The following MORC1 variants were observed in gnomAD, a reference collection of about 807,000 sequenced individuals.
The protein encoded by MORC1 is MORC family CW-type zinc finger 1, also known as MORC family CW-type zinc finger protein 1.
In MORC1, 59 loss-of-function variants were observed where a neutral mutation model predicts 134.9. The observed-to-expected ratio is 0.44, with a 90% CI of 0.35 to 0.54. The LOEUF is 0.54. Among genes scored for constraint, MORC1 ranks in the 20% least tolerant of loss-of-function variants. The pLI is 0.00. For missense variants in MORC1, 947 were observed against 1,134.5 expected (o/e 0.83, Z 2.37); for synonymous variants, 395 against 391.7 (o/e 1.01, Z -0.10).
chr3:108,970,480 C>T (rs1442068735), intron 25 of MORC1, among the ~76,000 whole-genome samples: 1 of 152,058 alleles, frequency 6.6e-6, no homozygotes, highest in Non-Finnish European at 1.5e-5. Context: ...TCAGAAGCCC[C>T]ACGGGAGAGG....
intron 17 of MORC1, among the ~76,000 whole-genome samples, chr3:109,013,564 A>T (rs925325953): frequency 6.6e-6 from 1 of 152,038 alleles, no homozygotes; most frequent in Non-Finnish European, 1.5e-5. Context: ...CCATCTCTAG[A>T]TGTGTCCTTC....
At chr3:109,034,259 C>G (rs1562504) in intron 15 of MORC1, among the ~76,000 whole-genome samples, 65,156 of 151,956 alleles carry the variant, frequency 0.43, 14,644 homozygotes, top group Middle Eastern at 0.55. Context: ...CAAAAGGCTG[C>G]GGAGGTGCTC....
At chr3:108,996,664 T>C (rs964410676) in intron 21 of MORC1, among the ~76,000 whole-genome samples, 3 of 152,110 alleles carry the variant, frequency 2.0e-5, no homozygotes, top group African/African-American at 4.8e-5. Flanking sequence ...GCATGGACTT[T>C]GAAAATGAAT....
At chr3:108,966,138 A>C (rs1218379482) in intron 26 of MORC1, among the ~76,000 whole-genome samples, 1 of 152,214 alleles carries the variant, frequency 6.6e-6, no homozygotes, top group Non-Finnish European at 1.5e-5. Flanking sequence ...TAATTGTAAC[A>C]AGATGAGAGG....
chr3:109,093,221 G>A (rs1950763789), intron 8 of MORC1, among the ~76,000 whole-genome samples: 1 of 152,066 alleles, frequency 6.6e-6, no homozygotes, highest in Non-Finnish European at 1.5e-5. Context: ...TCAAGATGAG[G>A]CCCCAGACCC....
chr3:109,087,868 C>T (rs371046838), intron 8 of MORC1, among the ~76,000 whole-genome samples: 1 of 151,906 alleles, frequency 6.6e-6, no homozygotes, highest in Non-Finnish European at 1.5e-5. Flanking sequence ...GGTACTGGTA[C>T]AAAAACAGAC....
At chr3:109,000,988 T>G (rs555837782) in intron 20 of MORC1, among the ~76,000 whole-genome samples, 29 of 152,294 alleles carry the variant, frequency 1.9e-4, no homozygotes, top group African/African-American at 7.0e-4. Context: ...GTTGTTTCAA[T>G]TACAGTTTAA....
At chr3:109,009,852 A>G (rs1948641537) in intron 17 of MORC1, among the ~76,000 whole-genome samples, 3 of 152,152 alleles carry the variant, frequency 2.0e-5, no homozygotes, top group South Asian at 4.1e-4. Flanking sequence ...GTTTTCCTGA[A>G]AAGTGTGCCT....
chr3:109,057,205 G>A (rs909973021), intron 13 of MORC1, 138 bp downstream of exon 13: 3 of 823,908 alleles, frequency 3.6e-6, no homozygotes, highest in Non-Finnish European at 3.5e-6. Flanking sequence ...ATTAATGCCT[G>A]CACTTCAACA....
At chr3:109,057,315 A>G in intron 13 of MORC1, 28 bp downstream of exon 13, 2 of 1,597,462 alleles carry the variant, frequency 1.3e-6, no homozygotes, top group Non-Finnish European at 1.7e-6. Flanking sequence ...TTCTCTGCTT[A>G]TATCTCTGAA....
chr3:109,044,934 G>T (rs369982760), intron 14 of MORC1, among the ~76,000 whole-genome samples: 1 of 139,566 alleles, frequency 7.2e-6, no homozygotes, highest in East Asian at 2.0e-4. Flanking sequence ...AACAGAGTGA[G>T]ACTCTGTCTC....
intron 21 of MORC1, among the ~76,000 whole-genome samples, chr3:108,987,903 A>T (rs935548809): frequency 3.3e-5 from 5 of 151,872 alleles, no homozygotes; most frequent in African/African-American, 1.2e-4. Context: ...GAAGAAAGCA[A>T]GCAGAAGGCA....
intron 14 of MORC1, among the ~76,000 whole-genome samples, chr3:109,039,213 G>T (rs1039345110): frequency 2.6e-5 from 4 of 152,152 alleles, no homozygotes; most frequent in Non-Finnish European, 5.9e-5. Flanking sequence ...ACCGTGCCCC[G>T]CCTGCTTCTC....
At chr3:109,114,159 TA>T (rs1422488822) in intron 2 of MORC1, among the ~76,000 whole-genome samples, 2 of 152,212 alleles carry the variant, frequency 1.3e-5, no homozygotes, top group African/African-American at 4.8e-5. Context: ...GTTATTAACA[TA>T]AAAACAGACT....
In MORC1 at chr3:109,005,120, T is replaced by G; in HGVS notation, c.1963A>C (p.Arg655=). 6.2e-7 allele frequency: 1 copy of G among 1,613,496 alleles called. No homozygotes were observed. The highest frequency in any genetic ancestry group is 8.5e-7 in the Non-Finnish European group (1 of 1,179,858). ...MEEKMNSQQQ[R]IPVALPENVK... is the part of the protein sequence containing the mutation. ...TTTTCTGGCAGAGCTACTGGAATTC[T>G]CTGCTGTTGAGAGTTCATTTTCTCC... Residue 655 remains arginine, a synonymous_variant, in exon 19 of 28, where the codon AGA becomes CGA. Transcript: ENST00000232603.
intron 21 of MORC1, among the ~76,000 whole-genome samples, chr3:108,987,276 G>A (rs1466688122): frequency 6.6e-6 from 1 of 152,206 alleles, no homozygotes; most frequent in Non-Finnish European, 1.5e-5. Context: ...AATGGGTCAA[G>A]TATTTGATTC....
At chr3:109,019,873 A>G (rs1383439627) in intron 17 of MORC1, among the ~76,000 whole-genome samples, 1 of 152,220 alleles carries the variant, frequency 6.6e-6, no homozygotes, top group Non-Finnish European at 1.5e-5. Flanking sequence ...AAAAGTATAG[A>G]TAATTATGGA....
rs141869317 is a variant in MORC1, at chr3:109,063,711, A to G, written c.816-480T>C. Among the ~76,000 whole-genome samples, 349 of 152,316 alleles carry G rather than the reference A, an allele frequency of 2.3e-3. 6 individuals are homozygous for G. Among genetic ancestry groups the G allele is most frequent in the Admixed American group, 0.013 (205 of 15,304 alleles). ...AAAGCACATTTTCTGCTTTACTGATAGAGAAACCTGTTTTCAAGGTCCATT... is the reference window on the plus strand; with the variant it reads ...AAAGCACATTTTCTGCTTTACTGATGGAGAAACCTGTTTTCAAGGTCCATT... On this transcript the variant is annotated intron_variant, in intron 9 of 27. Coordinates refer to ENST00000232603, the MANE Select transcript of MORC1 (RefSeq NM_014429.4).
intron 8 of MORC1, among the ~76,000 whole-genome samples, chr3:109,088,866 T>C (rs911906629): frequency 9.9e-5 from 15 of 152,094 alleles, no homozygotes; most frequent in African/African-American, 3.6e-4. Context: ...ACATATACCA[T>C]GGAATACTAT....
Sources: gnomAD v4.1 joint callset for allele counts (sites outside exome capture counted in the v4.1 genomes callset) on GRCh38, gnomAD v4.1.1 for gene constraint, MANE v1.5 for transcripts, NCBI Gene and HGNC (gene_info 2026-07-23, HGNC 2026-07-21) for gene names.